BCKDHB: variants seen among roughly 807,000 people sequenced by gnomAD.
The protein encoded by BCKDHB is branched chain keto acid dehydrogenase E1 subunit beta.
In BCKDHB, 41 loss-of-function variants were observed where a neutral mutation model predicts 48.5. The ratio of observed to expected loss-of-function variants is 0.85; its 90% CI spans 0.66 to 1.10. The LOEUF is 1.10. Among genes scored for constraint, BCKDHB ranks in the 50% least tolerant of loss-of-function variants. The pLI is 0.00. For synonymous variants in BCKDHB, 201 were observed against 174.8 expected (o/e 1.15, Z -1.18); for missense variants, 496 against 494.2 (o/e 1.00, Z -0.03).
chr6:80,263,119 G>A (rs1385430882), intron 8 of BCKDHB, among the ~76,000 whole-genome samples: 1 of 152,102 alleles, frequency 6.6e-6, no homozygotes, highest in African/African-American at 2.4e-5. Flanking sequence ...TATCCTATTA[G>A]CAATAATGTA....
the BCKDHB span, among the ~76,000 whole-genome samples, chr6:80,421,900 C>A: frequency 6.6e-6 from 1 of 152,128 alleles, no homozygotes; most frequent in Admixed American, 6.6e-5. Context: ...AAATCTGCAG[C>A]GTGACCATGA....
the BCKDHB span, among the ~76,000 whole-genome samples, chr6:80,430,770 T>A: frequency 6.6e-6 from 1 of 152,136 alleles, no homozygotes; most frequent in African/African-American, 2.4e-5. Context: ...CCAAAAACCA[T>A]CTCCTAGATT....
intron 9 of BCKDHB, among the ~76,000 whole-genome samples, chr6:80,291,652 CT>C: frequency 6.6e-6 from 1 of 152,142 alleles, no homozygotes; most frequent in South Asian, 2.1e-4. Context: ...TTATCCATCC[CT>C]TTTGTTTTTT....
At chr6:80,108,663 C>T (rs1769258545) in intron 1 of BCKDHB, among the ~76,000 whole-genome samples, 1 of 151,790 alleles carries the variant, frequency 6.6e-6, no homozygotes, top group African/African-American at 2.4e-5. Context: ...AGATCGAGAC[C>T]ATCCTGGCCA....
chr6:80,388,945 T>C, the BCKDHB span, among the ~76,000 whole-genome samples: 1 of 152,178 alleles, frequency 6.6e-6, no homozygotes. Flanking sequence ...GATGTGTGAT[T>C]ATATACTGAT....
intron 8 of BCKDHB, among the ~76,000 whole-genome samples, chr6:80,239,223 TA>T (rs1480642450): frequency 6.6e-6 from 1 of 152,230 alleles, no homozygotes; most frequent in Non-Finnish European, 1.5e-5. Context: ...ACCAACAGTG[TA>T]AAAGTGTTCC....
the BCKDHB span, among the ~76,000 whole-genome samples, chr6:80,383,333 T>C: frequency 6.6e-6 from 1 of 152,156 alleles, no homozygotes; most frequent in East Asian, 1.9e-4. Flanking sequence ...GTTCCTGACA[T>C]ATAAGAATAA....
chr6:80,167,703 A>T lies in BCKDHB; in HGVS notation c.369A>T (p.Pro123=). Residue 123 remains proline, a synonymous_variant, in exon 4 of 10, where the codon CCA becomes CCT. Coordinates refer to ENST00000320393, the MANE Select transcript of BCKDHB (RefSeq NM_183050.4). ...KYGKDRVFNT[P]LCEQGIVGFG... ...GAAAAGATAGAGTTTTTAATACCCC[A>T]TTGTGTGAACAAGGAATTGTTGGAT... 6.2e-7 allele frequency: 1 copy of T among 1,610,852 alleles called. No individual in the cohort carries two copies. Among genetic ancestry groups the T allele is most frequent in the Non-Finnish European group, 8.5e-7 (1 of 1,177,178 alleles).
rs550270083 is a variant in BCKDHB, at chr6:80,256,072, TC to T, written c.952-17062del. 4.6e-5 allele frequency among the ~76,000 whole-genome samples: 7 copies of T among 152,280 alleles called. No homozygotes were observed. The South Asian group carries it at 1.5e-3, about 32-fold the overall frequency. ...GAGAAACTGTTCATTTCTCTTTGGA[TC>T]GTCAAAGTAGTTGCAAATAATAAAC... On this transcript the variant is annotated intron_variant, in intron 8 of 9. Transcript: ENST00000320393.
chr6:80,166,973 A>C (rs1387337523), intron 3 of BCKDHB, among the ~76,000 whole-genome samples: 1 of 152,144 alleles, frequency 6.6e-6, no homozygotes, highest in Non-Finnish European at 1.5e-5. Flanking sequence ...TATTAAGACT[A>C]GTACATTAAA....
chr6:80,461,986 T>C, the BCKDHB span, among the ~76,000 whole-genome samples: 7 of 152,180 alleles, frequency 4.6e-5, no homozygotes, highest in Non-Finnish European at 8.8e-5. Flanking sequence ...ACTTTTTTTT[T>C]CAAATGTATA....
the BCKDHB span, among the ~76,000 whole-genome samples, chr6:80,391,597 A>G: frequency 6.6e-6 from 1 of 152,298 alleles, no homozygotes; most frequent in East Asian, 1.9e-4. Flanking sequence ...TGACACCTTA[A>G]TTTTGGACTT....
chr6:80,203,965 T>TGTGTA (rs1554195205), intron 8 of BCKDHB, among the ~76,000 whole-genome samples: 1 of 151,318 alleles, frequency 6.6e-6, no homozygotes, highest in Non-Finnish European at 1.5e-5. Flanking sequence ...TCTAGCTACA[T>TGTGTA]GTAAATTATA....
intron 8 of BCKDHB, among the ~76,000 whole-genome samples, chr6:80,269,392 T>C (rs1777641693): frequency 6.6e-6 from 1 of 152,170 alleles, no homozygotes; most frequent in Non-Finnish European, 1.5e-5. Flanking sequence ...AGGACTGTTT[T>C]TAATGCTTTT....
At chr6:80,336,145 CATAA>C (rs1769581908) in intron 9 of BCKDHB, among the ~76,000 whole-genome samples, 1 of 151,778 alleles carries the variant, frequency 6.6e-6, no homozygotes, top group Non-Finnish European at 1.5e-5. Flanking sequence ...TAAATTAATA[CATAA>C]ATTATTGATT....
intron 6 of BCKDHB, among the ~76,000 whole-genome samples, chr6:80,189,950 A>G (rs187189060): frequency 1.3e-4 from 20 of 152,300 alleles, no homozygotes; most frequent in Non-Finnish European, 2.4e-4. Flanking sequence ...ACTACAAATA[A>G]TAGTTTCTGG....
chr6:80,312,473 G>A (rs1768216378), intron 9 of BCKDHB, among the ~76,000 whole-genome samples: 4 of 152,178 alleles, frequency 2.6e-5, no homozygotes, highest in Admixed American at 2.6e-4. Flanking sequence ...TTGAATCAGA[G>A]TGATGAGAGA....
chr6:80,247,256 G>T (rs1016423897), intron 8 of BCKDHB, among the ~76,000 whole-genome samples: 1 of 152,210 alleles, frequency 6.6e-6, no homozygotes, highest in Non-Finnish European at 1.5e-5. Flanking sequence ...GTATCTGTCT[G>T]TCTCTCAAAG....
chr6:80,223,998 G>A (rs1308517128), intron 8 of BCKDHB, among the ~76,000 whole-genome samples: 1 of 152,180 alleles, frequency 6.6e-6, no homozygotes, highest in Admixed American at 6.5e-5. Context: ...AGGGATGAGA[G>A]GCTTATTTGG....
Sources: gnomAD v4.1 joint callset for allele counts (sites outside exome capture counted in the v4.1 genomes callset) on GRCh38, gnomAD v4.1.1 for gene constraint, MANE v1.5 for transcripts, NCBI Gene and HGNC (gene_info 2026-07-23, HGNC 2026-07-21) for gene names.